ELOVL7: variants seen among roughly 807,000 people sequenced by gnomAD.
ELOVL7 encodes ELOVL fatty acid elongase 7, also known as very long chain fatty acid elongase 7.
A neutral mutation model predicts 35.7 loss-of-function variants in ELOVL7; 27 were observed. The observed-to-expected ratio is 0.76, with a 90% confidence interval of 0.56 to 1.04. The LOEUF (loss-of-function observed/expected upper bound fraction) is 1.04, where lower values mean the gene tolerates loss of function less well. Among genes scored for constraint, ELOVL7 ranks in the 50% least tolerant of loss-of-function variants. The pLI, the probability that ELOVL7 is intolerant of heterozygous loss-of-function variation, is 0.00. For synonymous variants in ELOVL7, 113 were observed against 114.6 expected, an observed-to-expected ratio of 0.99 and a Z score of 0.09; for missense variants, 327 against 340.8, an observed-to-expected ratio of 0.96 and a Z score of 0.32.
chr5:60,820,809 C>T (rs967884825), intron 1 of ELOVL7, among the ~76,000 whole-genome samples: 14 of 152,072 alleles, frequency 9.2e-5, no homozygotes, highest in African/African-American at 3.4e-4. Flanking sequence ...CTAAAAGTCC[C>T]TTCCCCTTTC....
intron 1 of ELOVL7, among the ~76,000 whole-genome samples, chr5:60,839,878 G>A (rs895574501): frequency 1.3e-5 from 2 of 152,138 alleles, no homozygotes; most frequent in African/African-American, 4.8e-5. Context: ...ACATGTGTCT[G>A]TAGTCTCAGC....
In ELOVL7 at chr5:60,771,887, T is replaced by A; in HGVS notation, c.255+16A>T. 6.5e-7 allele frequency: 1 copy of A among 1,543,068 alleles called. No homozygotes were observed. The highest frequency in any genetic ancestry group is 8.8e-7 in the Non-Finnish European group (1 of 1,135,430). ...TCAGGCAAAATTCTCCCATTAGGAA[T>A]ACTGAAGACACTTGCCTCATAACAC... is the stretch of plus-strand genomic sequence containing the variant. On this transcript the variant is annotated intron_variant, in intron 4 of 8. Transcript: ENST00000508821.
At chr5:60,788,999 A>T (rs1743767982) in intron 2 of ELOVL7, among the ~76,000 whole-genome samples, 1 of 152,224 alleles carries the variant, frequency 6.6e-6, no homozygotes, top group Non-Finnish European at 1.5e-5. Context: ...CATCCGAGAA[A>T]AAAAGGTTCA....
chr5:60,789,873 C>G (rs1743820797), intron 2 of ELOVL7, among the ~76,000 whole-genome samples: 1 of 152,200 alleles, frequency 6.6e-6, no homozygotes, highest in African/African-American at 2.4e-5. Flanking sequence ...CGCAGTGGCT[C>G]ACGTCTGTAA....
intron 1 of ELOVL7, among the ~76,000 whole-genome samples, chr5:60,814,332 G>A (rs1745400042): frequency 1.3e-5 from 2 of 152,186 alleles, no homozygotes; most frequent in Admixed American, 6.5e-5. Context: ...TCATCTTGGA[G>A]TATTGCTCAA....
At chr5:60,843,488 T>C (rs1329912189) in intron 1 of ELOVL7, 1 of 152,272 alleles carries the variant, frequency 6.6e-6, no homozygotes, top group Non-Finnish European at 1.5e-5. Flanking sequence ...CGGCTCTGTA[T>C]TCATCAGCCT....
intron 1 of ELOVL7, among the ~76,000 whole-genome samples, chr5:60,812,179 C>A (rs1182031770): frequency 1.3e-5 from 2 of 152,122 alleles, no homozygotes; most frequent in Non-Finnish European, 2.9e-5. Context: ...ATGATTGTGC[C>A]ACTGCACTGC....
chr5:60,819,233 T>C (rs960123708), intron 1 of ELOVL7, among the ~76,000 whole-genome samples: 2 of 151,834 alleles, frequency 1.3e-5, no homozygotes, highest in African/African-American at 4.8e-5. Context: ...TTTCCCAACC[T>C]AGCATAGACT....
At chr5:60,833,295 G>A (rs1746595867) in intron 1 of ELOVL7, among the ~76,000 whole-genome samples, 1 of 152,186 alleles carries the variant, frequency 6.6e-6, no homozygotes, top group African/African-American at 2.4e-5. Flanking sequence ...AGGTCAGCCT[G>A]AATGACCTCT....
At chr5:60,833,884 T>C (rs890684833) in intron 1 of ELOVL7, among the ~76,000 whole-genome samples, 12 of 152,122 alleles carry the variant, frequency 7.9e-5, no homozygotes, top group African/African-American at 2.9e-4. Context: ...TAAAATATAA[T>C]TTTATTTTTC....
At chr5:60,804,185 C>G (rs745508340) in intron 1 of ELOVL7, among the ~76,000 whole-genome samples, 1 of 152,154 alleles carries the variant, frequency 6.6e-6, no homozygotes, top group Non-Finnish European at 1.5e-5. Context: ...ATACAATTCA[C>G]GTAAAAACCT....
Position 60,752,051 on chromosome 5 carries a change from A to G in ELOVL7, c.*2573T>C, listed in dbSNP as rs77559855. 8.7e-3 allele frequency: 1,318 copies of G among 152,284 alleles called. 14 individuals carry two copies. Among genetic ancestry groups the G allele is most frequent in the African/African-American group, 0.03 (1,259 of 41,546 alleles). The allele number at this position is 152,284 out of a possible 1,614,324, so 9.4% of individuals were successfully genotyped here. ...ATTTATGTAATAAACTAGATTTTGGAACTATTTATTTTGTTGTTGTTGTTG... is the reference window on the plus strand; with the variant it reads ...ATTTATGTAATAAACTAGATTTTGGGACTATTTATTTTGTTGTTGTTGTTG... On this transcript the variant is annotated 3_prime_UTR_variant, in exon 9 of 9. Coordinates refer to ENST00000508821, the MANE Select transcript of ELOVL7 (RefSeq NM_024930.3).
intron 5 of ELOVL7, 53 bp from the exon 6 acceptor site, chr5:60,766,683 A>T: frequency 6.5e-7 from 1 of 1,531,694 alleles, no homozygotes; most frequent in Non-Finnish European, 8.9e-7. Flanking sequence ...AGAAAAGCTT[A>T]TATTTTTAAA....
At chr5:60,762,452 T>G (rs987309685) in intron 7 of ELOVL7, among the ~76,000 whole-genome samples, 1 of 152,166 alleles carries the variant, frequency 6.6e-6, no homozygotes, top group African/African-American at 2.4e-5. Context: ...AAATAAAATT[T>G]ATTTCTCCCA....
chr5:60,843,707 G>C (rs780616787), intron 1 of ELOVL7, among the ~76,000 whole-genome samples: 1 of 152,176 alleles, frequency 6.6e-6, no homozygotes, highest in Non-Finnish European at 1.5e-5. Flanking sequence ...AGGTCGAGCA[G>C]GTCCTTCTCC....
Position 60,799,969 on chromosome 5 carries a change from G to A in ELOVL7, c.-85-739C>T, listed in dbSNP as rs576575174. Among the ~76,000 whole-genome samples the A allele has an allele frequency of 2.2e-3, 336 of 150,880 alleles. 1 individual carries two copies. The highest frequency in any genetic ancestry group is 7.8e-3 in the African/African-American group (320 of 41,042). Reference sequence around the variant, plus strand: ...GGAGAATCACTTGAACCTGGGAGGCGGAGGTTGCAGTGAGCTGAGATCACG... The same window carrying A: ...GGAGAATCACTTGAACCTGGGAGGCAGAGGTTGCAGTGAGCTGAGATCACG... On this transcript the variant is annotated intron_variant, in intron 1 of 8. Coordinates refer to ENST00000508821, the MANE Select transcript of ELOVL7 (RefSeq NM_024930.3).
intron 6 of ELOVL7, among the ~76,000 whole-genome samples, chr5:60,765,102 A>C (rs1455631659): frequency 1.3e-5 from 2 of 152,238 alleles, no homozygotes; most frequent in African/African-American, 2.4e-5. Flanking sequence ...AGTTTAGGGA[A>C]GGACACAGAA....
chr5:60,829,457 A>G (rs931424956), intron 1 of ELOVL7, among the ~76,000 whole-genome samples: 1 of 152,234 alleles, frequency 6.6e-6, no homozygotes, highest in African/African-American at 2.4e-5. Context: ...TTTTCTCATT[A>G]CATGGAAGAT....
intron 4 of ELOVL7, among the ~76,000 whole-genome samples, chr5:60,771,256 C>G (rs1484732270): frequency 1.3e-5 from 2 of 152,092 alleles, no homozygotes; most frequent in African/African-American, 4.8e-5. Flanking sequence ...ATGTTAATAG[C>G]ACAGGGGAAG....
Sources: gnomAD v4.1 joint callset for allele counts (sites outside exome capture counted in the v4.1 genomes callset) on GRCh38, gnomAD v4.1.1 for gene constraint, MANE v1.5 for transcripts, NCBI Gene and HGNC (gene_info 2026-07-23, HGNC 2026-07-21) for gene names.